MRPL1: variants seen among roughly 807,000 people sequenced by gnomAD.
MRPL1 encodes the protein mitochondrial ribosomal protein L1, also known as large ribosomal subunit protein uL1m.
A neutral mutation model predicts 38.0 loss-of-function variants in MRPL1; 28 were observed. The observed-to-expected ratio is 0.74, with a 90% CI of 0.55 to 1.01. MRPL1 has a LOEUF of 1.01. Ranked by LOEUF, MRPL1 falls within the 50% of genes least tolerant of loss-of-function variation. The pLI is 0.00. For missense variants in MRPL1, 358 were observed against 389.8 expected, an observed-to-expected ratio of 0.92 and a Z score of 0.69; for synonymous variants, 123 against 126.7, an observed-to-expected ratio of 0.97 and a Z score of 0.20.
At chr4:77,903,593 T>A (rs961122957) in intron 6 of MRPL1, among the ~76,000 whole-genome samples, 1 of 152,216 alleles carries the variant, frequency 6.6e-6, no homozygotes, top group Non-Finnish European at 1.5e-5. Flanking sequence ...AATGAGGTTA[T>A]AGGATACAAG....
chr4:77,876,046 C>T (rs1735381281), intron 2 of MRPL1, among the ~76,000 whole-genome samples: 1 of 152,148 alleles, frequency 6.6e-6, no homozygotes, highest in South Asian at 2.1e-4. Flanking sequence ...GATCTCAGCT[C>T]ATTGTAGCCT....
intron 1 of MRPL1, among the ~76,000 whole-genome samples, chr4:77,867,330 A>G (rs898519074): frequency 1.3e-5 from 2 of 152,150 alleles, no homozygotes; most frequent in African/African-American, 2.4e-5. Flanking sequence ...GGCCCCTTTC[A>G]TGTGCTGTAA....
intron 7 of MRPL1, among the ~76,000 whole-genome samples, chr4:77,939,424 A>G (rs1372833428): frequency 6.6e-6 from 1 of 151,906 alleles, no homozygotes; most frequent in Non-Finnish European, 1.5e-5. Flanking sequence ...AGTTTCTTCT[A>G]GATTCTGGAT....
At chr4:77,949,123 T>C (rs1246353168) in intron 7 of MRPL1, among the ~76,000 whole-genome samples, 4 of 152,180 alleles carry the variant, frequency 2.6e-5, no homozygotes, top group Non-Finnish European at 4.4e-5. Context: ...CTGTAAACAT[T>C]TGAATGTAAT....
At chr4:77,903,170 C>G (rs1393205041) in intron 6 of MRPL1, among the ~76,000 whole-genome samples, 2 of 152,124 alleles carry the variant, frequency 1.3e-5, no homozygotes, top group Admixed American at 6.6e-5. Context: ...ACACCTTAAC[C>G]AGTGACATTT....
At chr4:77,897,292 A>T (rs1425822831) in intron 6 of MRPL1, among the ~76,000 whole-genome samples, 2 of 152,052 alleles carry the variant, frequency 1.3e-5, no homozygotes, top group Non-Finnish European at 2.9e-5. Flanking sequence ...GACCTCAGGT[A>T]ATCTGCCTGC....
chr4:77,919,240 G>T (rs1038025156), intron 7 of MRPL1, among the ~76,000 whole-genome samples: 11 of 149,912 alleles, frequency 7.3e-5, no homozygotes, highest in African/African-American at 2.7e-4. Flanking sequence ...AACTTGCTTT[G>T]TTTTTTTTTC....
chr4:77,949,679 A>G, intron 7 of MRPL1, 118 bp from the exon 8 acceptor site: 1 of 583,720 alleles, frequency 1.7e-6, no homozygotes, highest in Non-Finnish European at 2.9e-6. Flanking sequence ...TTCCCCTTTC[A>G]CAGTAGGGTC....
At chr4:77,907,648 T>G (rs1736188825) in intron 6 of MRPL1, among the ~76,000 whole-genome samples, 1 of 151,066 alleles carries the variant, frequency 6.6e-6, no homozygotes, top group Non-Finnish European at 1.5e-5. Flanking sequence ...CACTGCAACC[T>G]CCGCCTCCTG....
intron 7 of MRPL1, among the ~76,000 whole-genome samples, chr4:77,921,586 C>T (rs930451892): frequency 6.6e-6 from 1 of 151,806 alleles, no homozygotes. Context: ...TTAGAAAAGG[C>T]TAAAATATCT....
chr4:77,891,597 C>G (rs1366358359), intron 5 of MRPL1, among the ~76,000 whole-genome samples: 1 of 152,214 alleles, frequency 6.6e-6, no homozygotes, highest in Non-Finnish European at 1.5e-5. Flanking sequence ...TTCAAGTGAT[C>G]TGCCCGCCTT....
At chr4:77,883,534 G>A (rs372498393) in intron 3 of MRPL1, 34 bp downstream of exon 3, 277 of 1,526,404 alleles carry the variant, frequency 1.8e-4, no homozygotes, top group Non-Finnish European at 2.3e-4. Context: ...GTTTACCTGT[G>A]AACAGTGGCT....
chr4:77,863,836 G>C (rs1735060869), intron 1 of MRPL1, among the ~76,000 whole-genome samples: 1 of 152,014 alleles, frequency 6.6e-6, no homozygotes, highest in Non-Finnish European at 1.5e-5. Flanking sequence ...ATTTAGGTAG[G>C]TCTTTAGGTA....
chr4:77,870,350 A>G, intron 1 of MRPL1, among the ~76,000 whole-genome samples: 1 of 152,204 alleles, frequency 6.6e-6, no homozygotes, highest in East Asian at 1.9e-4. Flanking sequence ...CTTCGAATGG[A>G]TAATTGCTTG....
chr4:77,865,504 C>T (rs997955762), intron 1 of MRPL1, among the ~76,000 whole-genome samples: 3 of 151,764 alleles, frequency 2.0e-5, no homozygotes, highest in Admixed American at 1.3e-4. Flanking sequence ...TCACTGCAGC[C>T]TTGACCTCTG....
At chr4:77,893,189 T>G (rs111883458) in intron 5 of MRPL1, among the ~76,000 whole-genome samples, 9 of 152,320 alleles carry the variant, frequency 5.9e-5, no homozygotes, top group African/African-American at 2.2e-4. Context: ...GATCTTGGCT[T>G]ACTGCAACCT....
intron 1 of MRPL1, chr4:77,863,109 C>T (rs1578033730): frequency 1.7e-6 from 1 of 571,454 alleles, no homozygotes. Flanking sequence ...GGACGTACAT[C>T]GAGCGCCCTC....
At chr4:77,937,556 T>G (rs765411594) in intron 7 of MRPL1, among the ~76,000 whole-genome samples, 2 of 152,218 alleles carry the variant, frequency 1.3e-5, no homozygotes, top group Non-Finnish European at 1.5e-5. Flanking sequence ...TTCCTTCATA[T>G]AGCACATGTT....
chr4:77,886,598 G>A (rs1212102578), intron 4 of MRPL1, among the ~76,000 whole-genome samples: 1 of 151,892 alleles, frequency 6.6e-6, no homozygotes, highest in Non-Finnish European at 1.5e-5. Context: ...CTCTCAAAGT[G>A]CTGAGATTAC....
Sources: gnomAD v4.1 joint callset for allele counts (sites outside exome capture counted in the v4.1 genomes callset) on GRCh38, gnomAD v4.1.1 for gene constraint, MANE v1.5 for transcripts, NCBI Gene and HGNC (gene_info 2026-07-23, HGNC 2026-07-21) for gene names.